Variants in MED4 observed in about 807,000 individuals in gnomAD.
MED4 encodes mediator complex subunit 4.
In MED4, 21 loss-of-function variants were observed where a neutral mutation model predicts 35.0. The observed-to-expected ratio is 0.60, with a 90% CI of 0.43 to 0.86. The LOEUF is 0.86. Ranked by LOEUF, MED4 falls within the 40% of genes least tolerant of loss-of-function variation. The pLI is 0.00. For synonymous variants in MED4, 138 were observed against 114.0 expected (o/e 1.21, Z -1.34); for missense variants, 300 against 319.4 (o/e 0.94, Z 0.46).
chr13:48,094,717 G>A (rs1950915138), intron 1 of MED4, among the ~76,000 whole-genome samples: 1 of 152,056 alleles, frequency 6.6e-6, no homozygotes, highest in Admixed American at 6.6e-5. Flanking sequence ...GGCCGCGGAC[G>A]AAGAGGCTCA....
chr13:48,084,124 A>G lies in MED4; in HGVS notation c.364-696T>C, dbSNP rs578026852. The stretch of plus-strand genomic sequence containing the variant: ...AAAAATACAAAAAATTTATATGGGC[A>G]TGGTGACACACGCCTATCTCAGCTA... On this transcript the variant is annotated intron_variant, in intron 3 of 6. Coordinates refer to ENST00000258648, the MANE Select transcript of MED4 (RefSeq NM_014166.4). Among the ~76,000 whole-genome samples the G allele has an allele frequency of 2.6e-5, 4 of 152,246 alleles. No homozygotes were observed. The South Asian group carries it at 8.3e-4, about 32-fold the overall frequency.
chr13:48,079,541 A>T (rs1412964139), intron 6 of MED4, among the ~76,000 whole-genome samples: 1 of 152,036 alleles, frequency 6.6e-6, no homozygotes, highest in Non-Finnish European at 1.5e-5. Context: ...GGAGTTCGAG[A>T]CCAGCCTGGC....
rs181487872 is a variant in MED4, at chr13:48,082,609, C to T, written c.421+762G>A. On this transcript the variant is annotated intron_variant, in intron 4 of 6. Coordinates refer to ENST00000258648, the MANE Select transcript of MED4 (RefSeq NM_014166.4). ...TTGGGAGGCCGAGGTGGGCAGATCA[C>T]GAGGTCAGGAGATCAAGACCATCCT... Among the ~76,000 whole-genome samples, 824 of 152,164 alleles carry T rather than the reference C, an allele frequency of 5.4e-3. 5 individuals carry two copies. Among genetic ancestry groups the T allele is most frequent in the Non-Finnish European group, 6.8e-3 (464 of 68,006 alleles).
chr13:48,086,498 G>C, intron 2 of MED4, 46 bp from the exon 3 acceptor site: 1 of 1,538,800 alleles, frequency 6.5e-7, no homozygotes, highest in Non-Finnish European at 8.9e-7. Context: ...CTACTGAAAG[G>C]CTGCATTCCA....
At chr13:48,093,048 A>G (rs547377002) in intron 1 of MED4, among the ~76,000 whole-genome samples, 4 of 152,344 alleles carry the variant, frequency 2.6e-5, no homozygotes, top group Admixed American at 2.0e-4. Context: ...CACACTCAAG[A>G]GCCCTGTCCT....
At position 48,086,466 on chromosome 13, in the gene MED4, G is replaced by C; in HGVS notation, c.193-14C>G. On this transcript the variant is annotated splice_polypyrimidine_tract_variant and intron_variant, in intron 2 of 6. Transcript: ENST00000258648. Reference sequence around the variant, plus strand: ...CAACTCCAGGACCTGTCAGATAACAGTCAATTAAATCAGACAATAGACTAC... The same window carrying C: ...CAACTCCAGGACCTGTCAGATAACACTCAATTAAATCAGACAATAGACTAC... 1 of 1,610,308 alleles carries C rather than the reference G, an allele frequency of 6.2e-7. No homozygotes were observed. The highest frequency in any genetic ancestry group is 8.5e-7 in the Non-Finnish European group (1 of 1,178,226).
chr13:48,093,504 G>T (rs1322585409), intron 1 of MED4: 2 of 394,134 alleles, frequency 5.1e-6, no homozygotes, highest in Non-Finnish European at 1.1e-5. Flanking sequence ...TACATTCAGA[G>T]ACTGACAAAC....
chr13:48,083,414 G>A lies in MED4; in HGVS notation c.378C>T (p.Tyr126=), dbSNP rs751396380. The change falls in exon 4 of 7, where the codon TAC becomes TAT. Residue 126 remains tyrosine, a synonymous_variant. Transcript: ENST00000258648. ...TTGACTTGAGTTTCTCCTTCGCTTG[G>A]TAAACAGCTGTTGCCTAATTTAAAC... is the stretch of plus-strand genomic sequence containing the variant. The part of the protein sequence containing the change: ...EAEQILATAV[Y]QAKEKLKSIE... 6.2e-7 allele frequency: 1 copy of A among 1,612,564 alleles called. No individual in the cohort carries two copies. Among genetic ancestry groups the A allele is most frequent in the East Asian group, 2.2e-5 (1 of 44,746 alleles).
chr13:48,086,895 C>T (rs953584645), intron 2 of MED4, among the ~76,000 whole-genome samples: 1 of 151,820 alleles, frequency 6.6e-6, no homozygotes, highest in South Asian at 2.1e-4. Context: ...ACTAAAAATA[C>T]AAAAATTAGT....
chr13:48,079,746 G>T, intron 6 of MED4, 98 bp downstream of exon 6: 4 of 1,398,858 alleles, frequency 2.9e-6, no homozygotes, highest in African/African-American at 1.5e-5. Context: ...AAAAAATTGT[G>T]TCGGGAATCT....
Position 48,077,296 on chromosome 13 carries a change from T to A in MED4, c.656A>T (p.Gln219Leu). 2.0e-6 allele frequency: 3 copies of A among 1,510,460 alleles called. No homozygotes were observed. The highest frequency in any genetic ancestry group is 5.0e-5 in the East Asian group (2 of 39,634). 93.6% of individuals were successfully genotyped at this position (1,510,460 alleles called of 1,614,324 possible). A position where few individuals can be genotyped will look rare whatever the true frequency, so the allele number is the denominator to read the frequency against. The change falls in exon 7 of 7, where the codon CAG becomes CTG. Residue 219 changes from glutamine (Q) to leucine (L), a missense_variant. Coordinates refer to ENST00000258648, the MANE Select transcript of MED4 (RefSeq NM_014166.4). ...CATGTCATTTGACTGCCATGGATAC[T>A]GTGGAGCAAGGACATCTGGAGAAAA... ...AGRLPDVLAPQYPWQSNDMSM... is the reference protein window; with the variant it reads ...AGRLPDVLAPLYPWQSNDMSM...
intron 2 of MED4, among the ~76,000 whole-genome samples, chr13:48,089,700 T>A (rs1950877142): frequency 2.0e-5 from 3 of 152,232 alleles, no homozygotes; most frequent in Admixed American, 2.0e-4. Context: ...CAGTGAGCAG[T>A]CATCATGCCA....
intron 2 of MED4, among the ~76,000 whole-genome samples, chr13:48,089,566 G>A (rs1311987413): frequency 6.6e-6 from 1 of 151,936 alleles, no homozygotes; most frequent in Non-Finnish European, 1.5e-5. Context: ...TACACAGTGA[G>A]ACTATGTCTC....
chr13:48,086,624 A>C (rs1264671046), intron 2 of MED4, among the ~76,000 whole-genome samples, 172 bp from the exon 3 acceptor site: 1 of 152,212 alleles, frequency 6.6e-6, no homozygotes, highest in Non-Finnish European at 1.5e-5. Flanking sequence ...ATTTTGGGAA[A>C]CATTAATATC....
intron 4 of MED4, among the ~76,000 whole-genome samples, chr13:48,083,128 C>T (rs930453159): frequency 2.6e-5 from 4 of 152,242 alleles, no homozygotes; most frequent in African/African-American, 9.6e-5. Context: ...TTTTACTGCA[C>T]ATTTGGGCAC....
intron 6 of MED4, 160 bp from the exon 7 acceptor site, chr13:48,077,471 C>T (rs892753227): frequency 1.8e-6 from 1 of 553,190 alleles, no homozygotes; most frequent in South Asian, 3.0e-5. Context: ...GGCTTGAGTG[C>T]AGTGGCACGA....
chr13:48,088,493 TC>T (rs1950868745), intron 2 of MED4, among the ~76,000 whole-genome samples: 1 of 152,208 alleles, frequency 6.6e-6, no homozygotes, highest in South Asian at 2.1e-4. Flanking sequence ...TAATCCTCAT[TC>T]CTCCCACATC....
chr13:48,079,420 C>T (rs528585810), intron 6 of MED4, among the ~76,000 whole-genome samples: 1 of 152,086 alleles, frequency 6.6e-6, no homozygotes, highest in Non-Finnish European at 1.5e-5. Context: ...CAGAATAAAC[C>T]GGCAAAGAAT....
At chr13:48,084,757 T>C (rs1950837084) in intron 3 of MED4, among the ~76,000 whole-genome samples, 1 of 152,114 alleles carries the variant, frequency 6.6e-6, no homozygotes, top group African/African-American at 2.4e-5. Context: ...TTCCCTCTTC[T>C]TTCCATTTTT....
Sources: gnomAD v4.1 joint callset for allele counts (sites outside exome capture counted in the v4.1 genomes callset) on GRCh38, gnomAD v4.1.1 for gene constraint, MANE v1.5 for transcripts, NCBI Gene and HGNC (gene_info 2026-07-23, HGNC 2026-07-21) for gene names.